Variants in PLCB1 observed in about 807,000 individuals in gnomAD.
PLCB1 encodes the protein phospholipase C beta 1, also known as 1-phosphatidylinositol 4,5-bisphosphate phosphodiesterase beta-1.
In PLCB1, 46 loss-of-function variants were observed where a neutral mutation model predicts 161.8. The observed-to-expected ratio is 0.28, with a 90% confidence interval of 0.22 to 0.36. The LOEUF (loss-of-function observed/expected upper bound fraction) is 0.36, where lower values mean the gene tolerates loss of function less well. Among genes scored for constraint, PLCB1 ranks in the 10% least tolerant of loss-of-function variants. PLCB1 has a pLI of 1.00. For synonymous variants in PLCB1, 517 were observed against 503.7 expected (o/e 1.03, Z -0.35); for missense variants, 1,016 against 1,472.5 (o/e 0.69, Z 5.07).
At chr20:8,530,294 A>G (rs908097338) in intron 3 of PLCB1, among the ~76,000 whole-genome samples, 2 of 152,120 alleles carry the variant, frequency 1.3e-5, no homozygotes, top group Non-Finnish European at 2.9e-5. Flanking sequence ...TGGATGCAGC[A>G]TTCCCTAACT....
chr20:8,345,356 C>T (rs892630114), intron 2 of PLCB1, among the ~76,000 whole-genome samples: 6 of 152,112 alleles, frequency 3.9e-5, no homozygotes, highest in African/African-American at 1.4e-4. Flanking sequence ...TTGATGTCCT[C>T]AGCGAATGAC....
intron 3 of PLCB1, among the ~76,000 whole-genome samples, chr20:8,509,748 A>AGAT (rs1443658912): frequency 1.3e-5 from 2 of 149,968 alleles, no homozygotes; most frequent in Non-Finnish European, 2.9e-5. Flanking sequence ...ATAGATAGAT[A>AGAT]GATAGATAGA....
At chr20:8,168,047 A>G (rs1160016839) in intron 2 of PLCB1, among the ~76,000 whole-genome samples, 2 of 152,112 alleles carry the variant, frequency 1.3e-5, no homozygotes, top group African/African-American at 4.8e-5. Flanking sequence ...CCAACAGGCT[A>G]GTCCAGCTTG....
intron 3 of PLCB1, among the ~76,000 whole-genome samples, chr20:8,478,667 A>G (rs1982379586): frequency 6.6e-6 from 1 of 152,204 alleles, no homozygotes; most frequent in East Asian, 1.9e-4. Flanking sequence ...TAAGGAAGGT[A>G]GCTTTGAAAA....
At chr20:8,538,309 A>G (rs1477344192) in intron 3 of PLCB1, among the ~76,000 whole-genome samples, 1 of 152,154 alleles carries the variant, frequency 6.6e-6, no homozygotes, top group Non-Finnish European at 1.5e-5. Context: ...AACTAACCCT[A>G]AGCATTATTT....
intron 26 of PLCB1, 56 bp from the exon 27 acceptor site, chr20:8,774,483 C>T (rs1982845441): frequency 3.4e-6 from 5 of 1,458,688 alleles, no homozygotes; most frequent in Non-Finnish European, 3.7e-6. Context: ...GAATAACCTT[C>T]CCTCCACCTT....
chr20:8,766,448 A>G (rs1982320353), intron 26 of PLCB1, among the ~76,000 whole-genome samples: 1 of 152,212 alleles, frequency 6.6e-6, no homozygotes. Context: ...CAGCAAGTGC[A>G]AAGGCCCTCA....
intron 31 of PLCB1, among the ~76,000 whole-genome samples, chr20:8,854,267 T>C (rs940175875): frequency 2.0e-5 from 3 of 148,520 alleles, no homozygotes; most frequent in Non-Finnish European, 3.0e-5. Flanking sequence ...TCAGAGGGCA[T>C]TTTTTTTTAG....
At chr20:8,163,308 G>A (rs2051644173) in intron 2 of PLCB1, among the ~76,000 whole-genome samples, 2 of 152,168 alleles carry the variant, frequency 1.3e-5, no homozygotes, top group African/African-American at 4.8e-5. Context: ...CAGTGACTGG[G>A]GGCAGCTCTC....
chr20:8,771,497 TA>T (rs1417120169), intron 26 of PLCB1, among the ~76,000 whole-genome samples: 1 of 152,076 alleles, frequency 6.6e-6, no homozygotes, highest in Non-Finnish European at 1.5e-5. Context: ...CTCATCTGAT[TA>T]AAGGAAACTT....
intron 2 of PLCB1, among the ~76,000 whole-genome samples, chr20:8,230,056 C>CAAAAAAAAAAAAAAAAAAAA (rs547874616): frequency 1.7e-5 from 1 of 58,870 alleles, no homozygotes; most frequent in African/African-American, 4.4e-5. Context: ...GACTTGGCAG[C>CAAAAAAAAAAAAAAAAAAAA]AAAAAAAAAA....
At chr20:8,387,792 G>C (rs1044346759) in intron 3 of PLCB1, among the ~76,000 whole-genome samples, 3 of 152,126 alleles carry the variant, frequency 2.0e-5, no homozygotes, top group African/African-American at 7.2e-5. Flanking sequence ...TGGTTGCTGG[G>C]CCTGGGGGAG....
chr20:8,249,089 C>T (rs1483037647), intron 2 of PLCB1, among the ~76,000 whole-genome samples: 1 of 151,800 alleles, frequency 6.6e-6, no homozygotes, highest in Admixed American at 6.6e-5. Context: ...CTAAGACTTG[C>T]ATGGATATTT....
rs1047430983 is a variant in PLCB1 at position 8,787,353 on chromosome 20, C to T, written c.3112-1096C>T. Among the ~76,000 whole-genome samples the T allele has an allele frequency of 3.9e-5, 6 of 152,168 alleles. No homozygotes were observed. The South Asian group carries it at 6.2e-4, about 16-fold the overall frequency. ...GTGCATTCCTCCCAGTGAGCAGGCCCGTTGCAGTTTTTCCGGGGACTCCCT... is the reference window on the plus strand; with the variant it reads ...GTGCATTCCTCCCAGTGAGCAGGCCTGTTGCAGTTTTTCCGGGGACTCCCT... On this transcript the variant is annotated intron_variant, in intron 27 of 31. Coordinates refer to ENST00000338037, the MANE Select transcript of PLCB1 (RefSeq NM_015192.4).
At chr20:8,313,769 G>C (rs6039136) in intron 2 of PLCB1, among the ~76,000 whole-genome samples, 8,571 of 152,058 alleles carry the variant, frequency 0.056, 628 homozygotes, top group African/African-American at 0.18. Context: ...CTTCATTTCT[G>C]TTTCTTGGAA....
intron 31 of PLCB1, among the ~76,000 whole-genome samples, chr20:8,854,193 T>C (rs1490696450): frequency 2.0e-5 from 3 of 152,146 alleles, no homozygotes; most frequent in Admixed American, 2.0e-4. Flanking sequence ...AAAACTCAAT[T>C]GCACAGTCCT....
At chr20:8,440,826 A>G (rs1157627115) in intron 3 of PLCB1, among the ~76,000 whole-genome samples, 3 of 151,430 alleles carry the variant, frequency 2.0e-5, no homozygotes, top group Non-Finnish European at 2.9e-5. Flanking sequence ...GAAATGATAA[A>G]TGTTTTTGAT....
At chr20:8,856,585 C>G (rs1987075916) in intron 31 of PLCB1, among the ~76,000 whole-genome samples, 1 of 152,080 alleles carries the variant, frequency 6.6e-6, no homozygotes, top group Non-Finnish European at 1.5e-5. Context: ...CCACTGCACT[C>G]CAGCCTGGGC....
chr20:8,662,884 G>A (rs1476963271), intron 9 of PLCB1, among the ~76,000 whole-genome samples: 1 of 151,854 alleles, frequency 6.6e-6, no homozygotes, highest in Non-Finnish European at 1.5e-5. Flanking sequence ...ACACAGATGA[G>A]CTACAGACTT....
Sources: allele counts gnomAD v4.1 joint callset (sites outside exome capture counted in the v4.1 genomes callset), GRCh38; gene constraint gnomAD v4.1.1; transcripts MANE v1.5; gene names NCBI Gene and HGNC (gene_info 2026-07-23, HGNC 2026-07-21).